Variants in KCND3 observed in about 807,000 individuals in gnomAD.
KCND3 encodes the protein A-type voltage-gated potassium channel KCND3.
A neutral mutation model predicts 51.1 loss-of-function variants in KCND3; 9 were observed. That is an observed-to-expected ratio of 0.18 (90% confidence interval 0.11 to 0.31). The LOEUF (loss-of-function observed/expected upper bound fraction) is 0.31. Among genes scored for constraint, KCND3 ranks in the 10% least tolerant of loss-of-function variants. KCND3 has a pLI of 1.00. For missense variants in KCND3, 526 were observed against 903.8 expected (o/e 0.58, Z 5.36); for synonymous variants, 349 against 368.0 (o/e 0.95, Z 0.59).
intron 2 of KCND3, among the ~76,000 whole-genome samples, chr1:111,852,789 C>T (rs1278645544): frequency 6.6e-6 from 1 of 152,208 alleles, no homozygotes; most frequent in East Asian, 1.9e-4. Flanking sequence ...AGTCGTACCA[C>T]TTAGGTTTAA....
intron 2 of KCND3, among the ~76,000 whole-genome samples, chr1:111,815,731 A>T (rs1666057551): frequency 6.6e-6 from 1 of 151,812 alleles, no homozygotes; most frequent in Non-Finnish European, 1.5e-5. Context: ...CCCCGTTGCA[A>T]TAGTCCCGAA....
At chr1:111,865,618 A>C (rs1668522418) in intron 2 of KCND3, among the ~76,000 whole-genome samples, 1 of 152,248 alleles carries the variant, frequency 6.6e-6, no homozygotes, top group South Asian at 2.1e-4. Context: ...TAGAGATTCT[A>C]GCAACTCCAA....
intron 2 of KCND3, among the ~76,000 whole-genome samples, chr1:111,917,992 G>A (rs947680912): frequency 2.1e-4 from 32 of 152,220 alleles, no homozygotes; most frequent in African/African-American, 7.7e-4. Context: ...TTGCCTCTTT[G>A]CTTTTGTGAG....
intron 2 of KCND3, among the ~76,000 whole-genome samples, chr1:111,847,609 C>T (rs2101655719): frequency 6.6e-6 from 1 of 152,300 alleles, no homozygotes; most frequent in African/African-American, 2.4e-5. Context: ...GTCCCCATTC[C>T]TGAGGGCAAG....
At chr1:111,837,807 C>A (rs558904354) in intron 2 of KCND3, among the ~76,000 whole-genome samples, 1 of 152,294 alleles carries the variant, frequency 6.6e-6, no homozygotes, top group South Asian at 2.1e-4. Context: ...ACCCTCGCCC[C>A]TCTAGATTGT....
At chr1:111,822,209 T>A (rs1351857596) in intron 2 of KCND3, among the ~76,000 whole-genome samples, 2 of 152,186 alleles carry the variant, frequency 1.3e-5, no homozygotes, top group South Asian at 2.1e-4. Context: ...TGTAAGCAAT[T>A]TTTTAACTGT....
intron 2 of KCND3, among the ~76,000 whole-genome samples, chr1:111,788,257 G>T (rs780602734): frequency 6.6e-6 from 1 of 152,144 alleles, no homozygotes; most frequent in Non-Finnish European, 1.5e-5. Flanking sequence ...TTACTCCTTC[G>T]GCTAAAGCCA....
rs368586656 is a variant in KCND3, at chr1:111,974,111, C to T, written c.1106+7510G>A. Among the ~76,000 whole-genome samples the T allele has an allele frequency of 1.5e-3, 227 of 152,304 alleles. 2 individuals carry two copies. Among genetic ancestry groups the T allele is most frequent in the African/African-American group, 5.2e-3 (217 of 41,566 alleles). On this transcript the variant is annotated intron_variant, in intron 2 of 7. Transcript: ENST00000302127. ...AGTCCCCATCTTCCCATACACCCAT[C>T]ATTTGCATTGAGCTAGTTGGAGGGA...
At chr1:111,903,887 G>C (rs558258913) in intron 2 of KCND3, among the ~76,000 whole-genome samples, 1 of 152,294 alleles carries the variant, frequency 6.6e-6, no homozygotes, top group East Asian at 1.9e-4. Flanking sequence ...CCAGAACCTT[G>C]ATCCTTTTTC....
chr1:111,822,365 T>C (rs1272729263), intron 2 of KCND3, among the ~76,000 whole-genome samples: 1 of 152,164 alleles, frequency 6.6e-6, no homozygotes, highest in Non-Finnish European at 1.5e-5. Flanking sequence ...TGAAACTCCA[T>C]ACCCTCTCTT....
intron 2 of KCND3, among the ~76,000 whole-genome samples, chr1:111,914,637 A>G (rs902792720): frequency 1.3e-5 from 2 of 152,232 alleles, no homozygotes; most frequent in Non-Finnish European, 2.9e-5. Context: ...GAAAAGGAAA[A>G]AAACCTGCCA....
intron 2 of KCND3, among the ~76,000 whole-genome samples, chr1:111,869,476 C>T (rs1466641408): frequency 1.3e-5 from 2 of 152,200 alleles, no homozygotes; most frequent in East Asian, 3.9e-4. Context: ...ATTGCATATA[C>T]TGGCCCACAT....
intron 2 of KCND3, among the ~76,000 whole-genome samples, chr1:111,948,048 A>T (rs1168496898): frequency 6.6e-6 from 1 of 152,164 alleles, no homozygotes; most frequent in Non-Finnish European, 1.5e-5. Context: ...CATTCCTTCC[A>T]TGAATACCTA....
At chr1:111,785,327 A>G (rs1664559135) in intron 3 of KCND3, among the ~76,000 whole-genome samples, 1 of 152,216 alleles carries the variant, frequency 6.6e-6, no homozygotes, top group South Asian at 2.1e-4. Flanking sequence ...TTTAGGCCCT[A>G]TTCAAATTTG....
At chr1:111,880,682 AT>A (rs1669259432) in intron 2 of KCND3, among the ~76,000 whole-genome samples, 1 of 152,238 alleles carries the variant, frequency 6.6e-6, no homozygotes, top group African/African-American at 2.4e-5. Flanking sequence ...CTTATGGCTC[AT>A]TTAAACCTTA....
intron 2 of KCND3, among the ~76,000 whole-genome samples, chr1:111,956,297 T>G (rs1341470025): frequency 6.6e-6 from 1 of 152,148 alleles, no homozygotes; most frequent in African/African-American, 2.4e-5. Flanking sequence ...GTTGGATGAC[T>G]TTGTGAGGGC....
intron 2 of KCND3, among the ~76,000 whole-genome samples, chr1:111,802,005 C>A (rs7517611): frequency 0.026 from 4,034 of 152,334 alleles, 170 homozygotes; most frequent in African/African-American, 0.091. Context: ...CTCCCACTAC[C>A]CAGCTGAGAG....
intron 2 of KCND3, chr1:111,853,944 T>C (rs1307154298): frequency 1.3e-5 from 2 of 152,262 alleles, no homozygotes; most frequent in East Asian, 1.9e-4. Flanking sequence ...AGGCTGTTTA[T>C]TCTCTGTTCA....
At chr1:111,846,465 G>A in intron 2 of KCND3, among the ~76,000 whole-genome samples, 1 of 146,270 alleles carries the variant, frequency 6.8e-6, no homozygotes, top group East Asian at 2.3e-4. Context: ...ATAAAAGAAT[G>A]GCAGCCAATG....
Sources: allele counts gnomAD v4.1 joint callset (sites outside exome capture counted in the v4.1 genomes callset), GRCh38; gene constraint gnomAD v4.1.1; transcripts MANE v1.5; gene names NCBI Gene and HGNC (gene_info 2026-07-23, HGNC 2026-07-21).